The following LFNG variants were observed in gnomAD, a reference collection of about 807,000 sequenced individuals.
The protein encoded by LFNG is beta-1,3-N-acetylglucosaminyltransferase lunatic fringe.
In LFNG, 15 loss-of-function variants were observed where a neutral mutation model predicts 32.7. The ratio of observed to expected loss-of-function variants is 0.46; its 90% confidence interval spans 0.31 to 0.71. LFNG has a LOEUF of 0.71. Among genes scored for constraint, LFNG ranks in the 30% least tolerant of loss-of-function variants. LFNG has a pLI of 0.06. For synonymous variants in LFNG, 274 were observed against 246.8 expected (o/e 1.11, Z -1.03); for missense variants, 520 against 545.7 (o/e 0.95, Z 0.47).
chr7:2,525,872 CTG>C, intron 5 of LFNG, 102 bp downstream of exon 5: 1 of 964,888 alleles, frequency 1.0e-6, no homozygotes. Context: ...CCCCAGCCTC[CTG>C]TGTGGCACTG....
At chr7:2,521,922 C>T (rs1436968068) in intron 1 of LFNG, among the ~76,000 whole-genome samples, 1 of 152,178 alleles carries the variant, frequency 6.6e-6, no homozygotes, top group Non-Finnish European at 1.5e-5. Flanking sequence ...CTCCCTTGAG[C>T]CCTGAGGTCC....
rs1780015113 is a variant in LFNG at position 2,527,237 on chromosome 7, T to C, written c.*25T>C. ...GTGGCCATGGCTGAGACCCAATCCCTGGGCGCCCCTGGTATCCAAAGGGCC... is the reference window on the plus strand; with the variant it reads ...GTGGCCATGGCTGAGACCCAATCCCCGGGCGCCCCTGGTATCCAAAGGGCC... On this transcript the variant is annotated 3_prime_UTR_variant, in exon 8 of 8. Coordinates refer to ENST00000222725, the MANE Select transcript of LFNG (RefSeq NM_001040167.2). This position sits in a 1 kb window ranked among gnomAD's most constrained non-coding sequence, Gnocchi z 4.4. 2 of 1,610,132 alleles carry C rather than the reference T, an allele frequency of 1.2e-6. No homozygotes were observed. Among genetic ancestry groups the C allele is most frequent in the Non-Finnish European group, 1.7e-6 (2 of 1,179,616 alleles).
chr7:2,515,383 A>C (rs995587312), upstream of LFNG, among the ~76,000 whole-genome samples: 1 of 152,198 alleles, frequency 6.6e-6, no homozygotes, highest in Admixed American at 6.5e-5. Flanking sequence ...CCCCAGGGAC[A>C]CAGACGTAAA....
At chr7:2,518,773 C>T (rs766256839), upstream of LFNG, among the ~76,000 whole-genome samples, 1 of 152,164 alleles carries the variant, frequency 6.6e-6, no homozygotes, top group African/African-American at 2.4e-5. Flanking sequence ...GAGCCGCCTC[C>T]GTCCACGCTT....
chr7:2,524,825 T>C, intron 2 of LFNG, 82 bp downstream of exon 2: 1 of 1,337,734 alleles, frequency 7.5e-7, no homozygotes, highest in Non-Finnish European at 1.0e-6. Context: ...CCTGCCCCTC[T>C]GGGCCGAGAG....
At chr7:2,516,006 G>C (rs1238880529), upstream of LFNG, among the ~76,000 whole-genome samples, 1 of 152,216 alleles carries the variant, frequency 6.6e-6, no homozygotes. Flanking sequence ...CTCCTGGGTC[G>C]GGACACTCAC....
At position 2,528,063 on chromosome 7, in the gene LFNG, T is replaced by C. The variant is rs1583279675; in HGVS notation, c.*851T>C. ...TAAAAAGTAGGGTGTTCTTGTTTTTTGCTTGGGAGGGTGGGGGTGGGGGAG... is the reference window on the plus strand; with the variant it reads ...TAAAAAGTAGGGTGTTCTTGTTTTTCGCTTGGGAGGGTGGGGGTGGGGGAG... On this transcript the variant is annotated 3_prime_UTR_variant, in exon 8 of 8. Transcript: ENST00000222725. 5.9e-6 allele frequency: 2 copies of C among 337,428 alleles called. No individual in the cohort carries two copies. Among genetic ancestry groups the C allele is most frequent in the East Asian group, 2.6e-4 (1 of 3,854 alleles). The allele number at this position is 337,428 out of a possible 1,614,324, so 20.9% of individuals were successfully genotyped here.
At chr7:2,512,838 G>A in intron 1 of LFNG, 1 of 811,640 alleles carries the variant, frequency 1.2e-6, no homozygotes, top group South Asian at 1.5e-5. Flanking sequence ...TTTATCTCCA[G>A]CCTCACCTCC....
rs887662947 is a variant in LFNG at position 2,527,551 on chromosome 7, G to C, written c.*339G>C. 2.4e-6 allele frequency: 3 copies of C among 1,260,888 alleles called. No individual in the cohort carries two copies. Among genetic ancestry groups the C allele is most frequent in the African/African-American group, 3.1e-5 (2 of 65,194 alleles). 78.1% of individuals were successfully genotyped at this position (1,260,888 alleles called of 1,614,324 possible). A position where few individuals can be genotyped will look rare whatever the true frequency, so the allele number is the denominator to read the frequency against. On this transcript the variant is annotated 3_prime_UTR_variant, in exon 8 of 8. Transcript: ENST00000222725. The surrounding 1 kb of genome is among the most constrained non-coding windows in gnomAD (Gnocchi z 4.4). ...GATCTTTCTACAGCTACGGGGCTCC[G>C]GGCTACTTTGCAGGGATGCGATGCG...
rs894244564 is a variant in LFNG, at chr7:2,519,827, C to G, written c.-35C>G. The G allele has an allele frequency of 1.9e-6, 2 of 1,064,264 alleles. No homozygotes were observed. The highest frequency in any genetic ancestry group is 4.0e-5 in the South Asian group (1 of 25,112). 65.9% of individuals were successfully genotyped at this position (1,064,264 alleles called of 1,614,324 possible). On this transcript the variant is annotated 5_prime_UTR_variant, in exon 1 of 8. Coordinates refer to ENST00000222725, the MANE Select transcript of LFNG (RefSeq NM_001040167.2). ...TTCGGGTCGGTGCAAGGCAGGCGCA[C>G]GGGGAAGGGCGCGCCGCGCGGCCGC...
chr7:2,528,802 C>A, downstream of LFNG: 1 of 646,426 alleles, frequency 1.5e-6, no homozygotes, highest in Non-Finnish European at 2.8e-6. Context: ...TGTGACCGGG[C>A]CTGGGGCCTC....
At chr7:2,523,362 C>T (rs1159105864) in intron 1 of LFNG, among the ~76,000 whole-genome samples, 1 of 152,172 alleles carries the variant, frequency 6.6e-6, no homozygotes, top group Non-Finnish European at 1.5e-5. Context: ...GGGCCTCACC[C>T]TAGTGAGCAT....
rs112799117 is a variant in LFNG at position 2,524,573 on chromosome 7, G to T, written c.433-122G>T. The T allele has an allele frequency of 2.2e-5, 20 of 899,864 alleles. 1 individual carries two copies. The highest frequency in any genetic ancestry group is 1.7e-4 in the African/African-American group (10 of 60,550). The allele number at this position is 899,864 out of a possible 1,614,324, so 55.7% of individuals were successfully genotyped here. On this transcript the variant is annotated intron_variant, in intron 1 of 7. Transcript: ENST00000222725. ...TGGGGAAACCAAGGCCCGGAGAAGG[G>T]TGGGTGTCAGTGTGACGCAGCTGCA...
chr7:2,519,560 G>C (rs1446993375), upstream of LFNG, among the ~76,000 whole-genome samples: 3 of 150,994 alleles, frequency 2.0e-5, no homozygotes. Context: ...GCTACCCGGG[G>C]CGGGGGGGGT....
chr7:2,521,395 CG>C (rs1323040582), intron 1 of LFNG, among the ~76,000 whole-genome samples: 1 of 152,212 alleles, frequency 6.6e-6, no homozygotes, highest in Non-Finnish European at 1.5e-5. Context: ...TTCCCAGCGC[CG>C]GGCGGCTCTC....
In LFNG at chr7:2,520,314, A is replaced by ACTGG; in HGVS notation, c.432+23_432+26dup. 6.3e-7 allele frequency: 1 copy of ACTGG among 1,599,042 alleles called. No individual in the cohort carries two copies. The highest frequency in any genetic ancestry group is 8.5e-7 in the Non-Finnish European group (1 of 1,171,888). ...AGATGGTGAGCCCCCCGCGGCCTGG[A>ACTGG]CTGGCGGGCGAGCGGGGCGGGGACC... On this transcript the variant is annotated intron_variant, in intron 1 of 7. Transcript: ENST00000222725. The surrounding 1 kb of genome is among the most constrained non-coding windows in gnomAD (Gnocchi z 5.0).
chr7:2,527,337 CGT>C lies in LFNG; in HGVS notation c.*140_*141del, dbSNP rs1554291255. The stretch of plus-strand genomic sequence containing the variant: ...GGCCGTGCCTGTGCGTGTGCGTGTG[CGT>C]GTGTGTGTGTGTGTACTGCATGCCC... On this transcript the variant is annotated 3_prime_UTR_variant, in exon 8 of 8. Coordinates refer to ENST00000222725, the MANE Select transcript of LFNG (RefSeq NM_001040167.2). The surrounding 1 kb of genome is among the most constrained non-coding windows in gnomAD (Gnocchi z 4.4). 0.018 allele frequency: 20,990 copies of C among 1,190,020 alleles called. No individual in the cohort carries two copies. The highest frequency in any genetic ancestry group is 0.06 in the East Asian group (1,739 of 28,756). The allele number at this position is 1,190,020 out of a possible 1,614,324, so 73.7% of individuals were successfully genotyped here. A position where few individuals can be genotyped will look rare whatever the true frequency, so the allele number is the denominator to read the frequency against.
intron 1 of LFNG, chr7:2,523,725 T>G (rs1302066908): frequency 6.6e-6 from 1 of 152,318 alleles, no homozygotes; most frequent in East Asian, 1.9e-4. Context: ...GCTGTGGCCT[T>G]GGGCAAGCCT....
rs1028038505 is a variant in LFNG at position 2,524,903 on chromosome 7, C to G, written c.481+160C>G. Among the ~76,000 whole-genome samples the G allele has an allele frequency of 2.6e-5, 4 of 152,238 alleles. No homozygotes were observed. In the East Asian group the frequency reaches 7.7e-4, roughly 29 times the overall value. On this transcript the variant is annotated intron_variant, in intron 2 of 7. Transcript: ENST00000222725. ...TTGCTCCATGCCCCGCCCCACCACTCGGGCCCCCCAATTCTCATGCAAATG... is the reference window on the plus strand; with the variant it reads ...TTGCTCCATGCCCCGCCCCACCACTGGGGCCCCCCAATTCTCATGCAAATG...
Sources: allele counts gnomAD v4.1 joint callset (sites outside exome capture counted in the v4.1 genomes callset), GRCh38; gene constraint gnomAD v4.1.1; non-coding constraint Gnocchi (gnomAD v3.1); transcripts MANE v1.5; gene names NCBI Gene and HGNC (gene_info 2026-07-23, HGNC 2026-07-21).